The following CNKSR3 variants were observed in gnomAD, a reference collection of about 807,000 sequenced individuals.
CNKSR3 encodes the protein CNKSR family member 3, also known as connector enhancer of kinase suppressor of ras 3.
Under a neutral mutation model 67.7 loss-of-function variants are expected in CNKSR3, and 36 were observed. That is an observed-to-expected ratio of 0.53 (90% CI 0.41 to 0.70). The LOEUF (loss-of-function observed/expected upper bound fraction) is 0.70. Ranked by LOEUF, CNKSR3 falls within the 30% of genes least tolerant of loss-of-function variation. The pLI, the probability that CNKSR3 is intolerant of heterozygous loss-of-function variation, is 0.00. For missense variants in CNKSR3, 630 were observed against 695.2 expected, an observed-to-expected ratio of 0.91 and a Z score of 1.05; for synonymous variants, 281 against 271.4, an observed-to-expected ratio of 1.04 and a Z score of -0.35.
chr6:154,457,557 T>A (rs1457329279), intron 1 of CNKSR3, among the ~76,000 whole-genome samples: 1 of 152,124 alleles, frequency 6.6e-6, no homozygotes, highest in African/African-American at 2.4e-5. Context: ...CTGTCTCTAC[T>A]AAAAATGCAA....
rs945088976 is a variant in CNKSR3 at position 154,441,325 on chromosome 6, C to G, written c.474G>C (p.Gln158His). 2 of 1,612,214 alleles carry G rather than the reference C, an allele frequency of 1.2e-6. No individual in the cohort carries two copies. The highest frequency in any genetic ancestry group is 2.7e-5 in the African/African-American group (2 of 74,484). Reference protein sequence around the residue: ...DFSVTKNKIIQLCLDLTTTVQ... With the variant: ...DFSVTKNKIIHLCLDLTTTVQ... ...CTGTAGTGGTCAGGTCCAAGCAAAG[C>G]TGGATAATTTTGTTCTTCGTGACTG... The change falls in exon 4 of 13, where the codon CAG (glutamine) becomes CAC (histidine). Residue 158 changes from glutamine (Q) to histidine (H), a missense_variant. This residue lies in a region of CNKSR3 where 189 missense variants were observed against 205.0 expected (regional missense o/e 0.92). Transcript: ENST00000607772.
Position 154,415,445 on chromosome 6 carries a change from G to A in CNKSR3, c.946-1022C>T, listed in dbSNP as rs547326250. ...GGCGTTTTGCCATGTTGGCCAGGCT[G>A]GTCTCAAACTCCTGACCACAGGTGA... On this transcript the variant is annotated intron_variant, in intron 9 of 12. Transcript: ENST00000607772. Among the ~76,000 whole-genome samples, 38 of 152,030 alleles carry A rather than the reference G, an allele frequency of 2.5e-4. No individual in the cohort carries two copies. The East Asian group carries it at 6.2e-3, about 25-fold the overall frequency.
In CNKSR3 at chr6:154,399,820, T is replaced by C. The variant is rs898386670; in HGVS notation, c.*6534A>G. 2 of 152,160 alleles carry C rather than the reference T, an allele frequency of 1.3e-5. No homozygotes were observed. The highest frequency in any genetic ancestry group is 1.9e-4 in the East Asian group (1 of 5,194). The allele number at this position is 152,160 out of a possible 1,614,324, so 9.4% of individuals were successfully genotyped here. A position where few individuals can be genotyped will look rare whatever the true frequency, so the allele number is the denominator to read the frequency against. ...TAATCAAAATGTTCAGCCCAAGATA[T>C]GTCAAAATGGTGAAGAAATATCTTA... On this transcript the variant is annotated 3_prime_UTR_variant, in exon 13 of 13. Coordinates refer to ENST00000607772, the MANE Select transcript of CNKSR3 (RefSeq NM_173515.4).
chr6:154,491,625 C>CA (rs1379315257), intron 1 of CNKSR3, among the ~76,000 whole-genome samples: 3 of 151,998 alleles, frequency 2.0e-5, no homozygotes, highest in Non-Finnish European at 4.4e-5. Context: ...ACACCAAACT[C>CA]AGAGAGAGAG....
rs553403683 is a variant in CNKSR3, at chr6:154,428,062, T to C, written c.729+66A>G. On this transcript the variant is annotated intron_variant, in intron 7 of 12. Transcript: ENST00000607772. Reference sequence around the variant, plus strand: ...CATGCACACGTTTAAATTCAAAGTATAGAGACTGTGGATCAAATCTGTTTA... The same window carrying C: ...CATGCACACGTTTAAATTCAAAGTACAGAGACTGTGGATCAAATCTGTTTA... 4.8e-6 allele frequency: 5 copies of C among 1,043,800 alleles called. No homozygotes were observed. The South Asian group carries it at 5.2e-5, about 11-fold the overall frequency. The allele number at this position is 1,043,800 out of a possible 1,614,324, so 64.7% of individuals were successfully genotyped here.
At chr6:154,469,624 A>G (rs2114625311) in intron 1 of CNKSR3, among the ~76,000 whole-genome samples, 1 of 152,318 alleles carries the variant, frequency 6.6e-6, no homozygotes, top group Admixed American at 6.5e-5. Context: ...TTTTGCTACC[A>G]GATCTTTCTT....
chr6:154,473,186 A>C (rs562550020), intron 1 of CNKSR3, among the ~76,000 whole-genome samples: 17 of 152,236 alleles, frequency 1.1e-4, no homozygotes, highest in Non-Finnish European at 2.5e-4. Context: ...ACAAGTATCT[A>C]GTTCATTATG....
At chr6:154,449,610 C>G (rs1411093276) in intron 2 of CNKSR3, among the ~76,000 whole-genome samples, 2 of 152,254 alleles carry the variant, frequency 1.3e-5, no homozygotes, top group African/African-American at 4.8e-5. Context: ...TAGGCATGAG[C>G]CACTGCGCCT....
chr6:154,504,022 G>C (rs1787047723), intron 1 of CNKSR3, among the ~76,000 whole-genome samples: 1 of 152,162 alleles, frequency 6.6e-6, no homozygotes, highest in African/African-American at 2.4e-5. Flanking sequence ...TGATTCGGCA[G>C]GCCCAAGCTT....
intron 1 of CNKSR3, among the ~76,000 whole-genome samples, chr6:154,492,924 C>T (rs576062695): frequency 6.5e-4 from 99 of 152,230 alleles, no homozygotes; most frequent in African/African-American, 2.2e-3. Context: ...TTTCAGAATA[C>T]CCGGAACCTG....
Position 154,406,668 on chromosome 6 carries a change from G to A in CNKSR3, c.1370-16C>T. On this transcript the variant is annotated splice_polypyrimidine_tract_variant and intron_variant, in intron 12 of 12. Transcript: ENST00000607772. ...GCATCCTCCCCTGTTTCCAGACAAA[G>A]TCCATTAAGTCACAATCCCAGCCGG... is the stretch of plus-strand genomic sequence containing the variant. 6.2e-7 allele frequency: 1 copy of A among 1,601,138 alleles called. No individual in the cohort carries two copies. Among genetic ancestry groups the A allele is most frequent in the South Asian group, 1.1e-5 (1 of 89,774 alleles).
At chr6:154,413,373 G>T (rs1468182397) in intron 10 of CNKSR3, among the ~76,000 whole-genome samples, 1 of 152,060 alleles carries the variant, frequency 6.6e-6, no homozygotes, top group South Asian at 2.1e-4. Flanking sequence ...AGGACCACGG[G>T]TGCACACAAC....
At chr6:154,449,775 C>G (rs1202785044) in intron 2 of CNKSR3, among the ~76,000 whole-genome samples, 3 of 152,146 alleles carry the variant, frequency 2.0e-5, no homozygotes, top group Non-Finnish European at 4.4e-5. Flanking sequence ...CCATGTGGTC[C>G]CGTTACAACC....
At chr6:154,475,546 G>A (rs927005230) in intron 1 of CNKSR3, among the ~76,000 whole-genome samples, 2 of 152,138 alleles carry the variant, frequency 1.3e-5, no homozygotes, top group African/African-American at 4.8e-5. Flanking sequence ...TATGCCACCC[G>A]CTGACAGATG....
rs535298002 is a variant in CNKSR3 at position 154,447,732 on chromosome 6, T to A, written c.216+2363A>T. Among the ~76,000 whole-genome samples, 256 of 152,322 alleles carry A rather than the reference T, an allele frequency of 1.7e-3. 1 individual carries two copies. Among genetic ancestry groups the A allele is most frequent in the African/African-American group, 5.8e-3 (242 of 41,562 alleles). The stretch of plus-strand genomic sequence containing the variant: ...TTCCTTACTTTTAATTATATTCATT[T>A]CCTGTCTATCATAAAATCAACATCC... On this transcript the variant is annotated intron_variant, in intron 2 of 12. Transcript: ENST00000607772.
chr6:154,433,559 T>C, intron 4 of CNKSR3, 52 bp from the exon 5 acceptor site: 1 of 1,375,938 alleles, frequency 7.3e-7, no homozygotes, highest in Non-Finnish European at 1.0e-6. Flanking sequence ...TTAAAAACGT[T>C]CAGAACTGTT....
intron 1 of CNKSR3, among the ~76,000 whole-genome samples, chr6:154,488,628 C>A (rs565135306): frequency 2.6e-5 from 4 of 152,190 alleles, no homozygotes; most frequent in Non-Finnish European, 5.9e-5. Context: ...AATAAGAACA[C>A]CCTCAGGATG....
At chr6:154,431,530 G>C (rs752866318) in intron 5 of CNKSR3, among the ~76,000 whole-genome samples, 1 of 151,308 alleles carries the variant, frequency 6.6e-6, no homozygotes, top group South Asian at 2.1e-4. Context: ...ATTTATATTA[G>C]GGTTCACTTT....
At chr6:154,431,233 C>G (rs773026455) in intron 5 of CNKSR3, among the ~76,000 whole-genome samples, 2 of 151,874 alleles carry the variant, frequency 1.3e-5, no homozygotes, top group Non-Finnish European at 2.9e-5. Flanking sequence ...CACCTGAAGT[C>G]AGGAGTTCAA....
Sources: allele counts gnomAD v4.1 joint callset (sites outside exome capture counted in the v4.1 genomes callset), GRCh38; gene constraint gnomAD v4.1.1; regional missense constraint gnomAD v4.1.1; transcripts MANE v1.5; gene names NCBI Gene and HGNC (gene_info 2026-07-23, HGNC 2026-07-21).